The following NIBAN1 variants were observed in gnomAD, a reference collection of about 807,000 sequenced individuals.
NIBAN1 encodes protein Niban 1.
Under a neutral mutation model 75.1 loss-of-function variants are expected in NIBAN1, and 81 were observed. That is an observed-to-expected ratio of 1.08 (90% CI 0.90 to 1.30). The LOEUF (loss-of-function observed/expected upper bound fraction) is 1.30, where lower values mean the gene tolerates loss of function less well. NIBAN1 is among the 50% of genes most tolerant of loss of function. The pLI, the probability that NIBAN1 is intolerant of heterozygous loss-of-function variation, is 0.00. For missense variants in NIBAN1, 1,133 were observed against 1,128.1 expected, an observed-to-expected ratio of 1.00 and a Z score of -0.06; for synonymous variants, 436 against 424.8, an observed-to-expected ratio of 1.03 and a Z score of -0.32.
At position 184,928,152 on chromosome 1, in the gene NIBAN1, T is replaced by C. The variant is rs143733027; in HGVS notation, c.56-28843A>G. 2.0e-5 allele frequency among the ~76,000 whole-genome samples: 3 copies of C among 152,260 alleles called. No homozygotes were observed. In the East Asian group the frequency reaches 5.8e-4, roughly 30 times the overall value. On this transcript the variant is annotated intron_variant, in intron 1 of 13. Transcript: ENST00000367511. ...GTGTTTAGAAATGTCCTTTGGGAAC[T>C]AGGGGCTGGAATGGGGGCCTCAGGA...
intron 10 of NIBAN1, among the ~76,000 whole-genome samples, chr1:184,806,610 T>G (rs1195694419): frequency 6.6e-6 from 1 of 152,116 alleles, no homozygotes; most frequent in Non-Finnish European, 1.5e-5. Flanking sequence ...GCTAAACTGT[T>G]GCCCAATTTT....
intron 5 of NIBAN1, among the ~76,000 whole-genome samples, chr1:184,845,194 T>C (rs1306930018): frequency 1.3e-5 from 2 of 152,218 alleles, no homozygotes; most frequent in African/African-American, 4.8e-5. Context: ...ATGAGTTGTC[T>C]CACTAAGGGA....
intron 1 of NIBAN1, among the ~76,000 whole-genome samples, chr1:184,971,597 G>A (rs965198307): frequency 6.6e-6 from 1 of 152,074 alleles, no homozygotes; most frequent in Non-Finnish European, 1.5e-5. Context: ...TTGGACCAGG[G>A]AGTCAGAGGT....
intron 5 of NIBAN1, among the ~76,000 whole-genome samples, chr1:184,880,695 C>T (rs936682389): frequency 3.3e-5 from 5 of 152,210 alleles, no homozygotes; most frequent in Admixed American, 6.5e-5. Flanking sequence ...TATTCCATAT[C>T]GCATGTGTTC....
intron 2 of NIBAN1, among the ~76,000 whole-genome samples, chr1:184,897,525 T>C (rs1381882317): frequency 6.6e-6 from 1 of 152,156 alleles, no homozygotes; most frequent in Non-Finnish European, 1.5e-5. Context: ...CTGTCTATAG[T>C]CTTTCCCTGT....
chr1:184,819,340 A>G (rs1654628603), intron 8 of NIBAN1, among the ~76,000 whole-genome samples: 1 of 152,046 alleles, frequency 6.6e-6, no homozygotes, highest in Non-Finnish European at 1.5e-5. Flanking sequence ...TTGCCACCCT[A>G]CCTCCTGTCC....
At chr1:184,823,480 G>T in intron 7 of NIBAN1, 151 bp from the exon 8 acceptor site, 1 of 1,313,760 alleles carries the variant, frequency 7.6e-7, no homozygotes, top group Non-Finnish European at 1.0e-6. Flanking sequence ...AGTCTGTTTG[G>T]AACAGTCTTC....
chr1:184,963,228 C>A (rs977860190), intron 1 of NIBAN1, among the ~76,000 whole-genome samples: 6 of 152,018 alleles, frequency 3.9e-5, no homozygotes, highest in African/African-American at 1.4e-4. Context: ...AAAATCAAGT[C>A]TTTAATAAAA....
intron 1 of NIBAN1, among the ~76,000 whole-genome samples, chr1:184,965,551 A>G (rs1019921384): frequency 6.6e-6 from 1 of 152,184 alleles, no homozygotes. Flanking sequence ...ACAGAAAACC[A>G]AATGCCATTT....
chr1:184,868,920 A>C (rs551158303), intron 5 of NIBAN1, among the ~76,000 whole-genome samples: 227 of 152,190 alleles, frequency 1.5e-3, no homozygotes, highest in African/African-American at 5.1e-3. Context: ...CGTCTATAAA[A>C]TGGGCATGAT....
At chr1:184,887,807 C>A (rs1656565104) in intron 4 of NIBAN1, 1 of 152,186 alleles carries the variant, frequency 6.6e-6, no homozygotes, top group African/African-American at 2.4e-5. Flanking sequence ...AAATGCCAAA[C>A]AAGTGAATTA....
At chr1:184,823,531 C>T in intron 7 of NIBAN1, 107 bp downstream of exon 7, 2 of 1,329,156 alleles carry the variant, frequency 1.5e-6, no homozygotes, top group Non-Finnish European at 1.1e-6. Context: ...GGCATTTCTA[C>T]ACCCAGGGAA....
intron 1 of NIBAN1, among the ~76,000 whole-genome samples, chr1:184,964,593 G>T (rs1658731318): frequency 6.6e-6 from 1 of 152,196 alleles, no homozygotes; most frequent in Non-Finnish European, 1.5e-5. Context: ...ATTTGGTGTT[G>T]TGAGGATTAT....
At chr1:184,884,206 T>A (rs1656450204) in intron 5 of NIBAN1, among the ~76,000 whole-genome samples, 1 of 145,598 alleles carries the variant, frequency 6.9e-6, no homozygotes, top group South Asian at 2.2e-4. Context: ...GGCAGCACCA[T>A]CTGTGGCTCT....
intron 1 of NIBAN1, among the ~76,000 whole-genome samples, chr1:184,943,357 T>G (rs1018500428): frequency 1.5e-5 from 2 of 134,162 alleles, no homozygotes; most frequent in Non-Finnish European, 3.3e-5. Flanking sequence ...CAGACTTAAA[T>G]TCAATTTTTC....
chr1:184,969,435 A>G (rs1160371627), intron 1 of NIBAN1, among the ~76,000 whole-genome samples: 1 of 152,190 alleles, frequency 6.6e-6, no homozygotes, highest in Non-Finnish European at 1.5e-5. Flanking sequence ...TTCAGATGCA[A>G]CAAAGTCAAA....
At chr1:184,861,863 T>C (rs533571286) in intron 5 of NIBAN1, among the ~76,000 whole-genome samples, 1 of 152,238 alleles carries the variant, frequency 6.6e-6, no homozygotes, top group Admixed American at 6.5e-5. Flanking sequence ...TCATAATTAA[T>C]CTTGCTCTGT....
chr1:184,892,836 A>G (rs1656705207), intron 3 of NIBAN1, among the ~76,000 whole-genome samples: 1 of 151,924 alleles, frequency 6.6e-6, no homozygotes, highest in Non-Finnish European at 1.5e-5. Flanking sequence ...CATTGGGGTG[A>G]TCTCAGCTCA....
chr1:184,933,398 T>A (rs755506448), intron 1 of NIBAN1, among the ~76,000 whole-genome samples: 15 of 152,238 alleles, frequency 9.9e-5, no homozygotes, highest in Non-Finnish European at 2.1e-4. Context: ...CGCAAAGCCC[T>A]TTTGGATCTG....
Sources: gnomAD v4.1 joint callset for allele counts (sites outside exome capture counted in the v4.1 genomes callset) on GRCh38, gnomAD v4.1.1 for gene constraint, MANE v1.5 for transcripts, NCBI Gene and HGNC (gene_info 2026-07-23, HGNC 2026-07-21) for gene names.